DESI2: variants seen among roughly 807,000 people sequenced by gnomAD.
DESI2 encodes the protein desumoylating isopeptidase 2.
In DESI2, 10 loss-of-function variants were observed where a neutral mutation model predicts 24.1. That is an observed-to-expected ratio of 0.41 (90% CI 0.26 to 0.70). The LOEUF is 0.70. Ranked by LOEUF, DESI2 falls within the 30% of genes least tolerant of loss-of-function variation. The pLI is 0.29. For missense variants in DESI2, 122 were observed against 234.9 expected, an observed-to-expected ratio of 0.52 and a Z score of 3.14; for synonymous variants, 71 against 87.7, an observed-to-expected ratio of 0.81 and a Z score of 1.06.
intron 1 of DESI2, chr1:244,653,789 T>A (rs1202920130): frequency 3.0e-5 from 11 of 367,772 alleles, no homozygotes; most frequent in Non-Finnish European, 1.1e-5. Flanking sequence ...TCTCTCTCCA[T>A]GGCTACGTCT....
chr1:244,657,860 C>A (rs1675701206), intron 1 of DESI2, among the ~76,000 whole-genome samples: 1 of 152,188 alleles, frequency 6.6e-6, no homozygotes, highest in South Asian at 2.1e-4. Flanking sequence ...GAAAAACTTA[C>A]CAGAGCCCCA....
intron 4 of DESI2, among the ~76,000 whole-genome samples, chr1:244,695,908 G>A (rs552833806): frequency 1.3e-5 from 2 of 152,190 alleles, no homozygotes; most frequent in East Asian, 3.9e-4. Flanking sequence ...CAAGTAGCTG[G>A]AGCTACAGGT....
At chr1:244,685,506 ATATT>A (rs1195598567) in intron 1 of DESI2, among the ~76,000 whole-genome samples, 1 of 152,154 alleles carries the variant, frequency 6.6e-6, no homozygotes, top group Non-Finnish European at 1.5e-5. Context: ...TTGTTTTCAT[ATATT>A]TATTTATGAT....
At position 244,686,578 on chromosome 1, in the gene DESI2, T is replaced by C; in HGVS notation, c.43-19T>C. 3 of 1,546,030 alleles carry C rather than the reference T, an allele frequency of 1.9e-6. No homozygotes were observed. Among genetic ancestry groups the C allele is most frequent in the Admixed American group, 1.7e-5 (1 of 59,794 alleles). On this transcript the variant is annotated intron_variant, in intron 1 of 4. Transcript: ENST00000302550. ...TAAATGAACAGGTATTCTGAATCTT[T>C]TCTTTCTTTTTTTCTCAGTATTGGA...
chr1:244,657,576 G>A (rs184048578), intron 1 of DESI2, among the ~76,000 whole-genome samples: 1 of 152,322 alleles, frequency 6.6e-6, no homozygotes, highest in Non-Finnish European at 1.5e-5. Flanking sequence ...GAGAGCTTGA[G>A]AGTCAGTGGC....
At chr1:244,695,730 T>C (rs1467508277) in intron 4 of DESI2, among the ~76,000 whole-genome samples, 1 of 152,204 alleles carries the variant, frequency 6.6e-6, no homozygotes, top group African/African-American at 2.4e-5. Context: ...TGAGCCCCTA[T>C]ATAACTGTAA....
At chr1:244,703,415 G>T (rs549182761) in intron 4 of DESI2, among the ~76,000 whole-genome samples, 119 of 152,188 alleles carry the variant, frequency 7.8e-4, no homozygotes, top group African/African-American at 2.8e-3. Context: ...TAGTGCAGTG[G>T]CACAGTCTTG....
At chr1:244,670,666 C>G (rs1405871738) in intron 1 of DESI2, among the ~76,000 whole-genome samples, 1 of 151,988 alleles carries the variant, frequency 6.6e-6, no homozygotes, top group Non-Finnish European at 1.5e-5. Flanking sequence ...ACTATCTTTC[C>G]CAAAGCCATA....
chr1:244,686,113 T>G lies in DESI2; in HGVS notation c.43-484T>G, dbSNP rs1051057827. On this transcript the variant is annotated intron_variant, in intron 1 of 4. Coordinates refer to ENST00000302550, the MANE Select transcript of DESI2 (RefSeq NM_016076.5). The stretch of plus-strand genomic sequence containing the variant: ...CTTATATTATTACCATTATCAAACT[T>G]TGAGCTGAATCAGGACACATGATAC... 4.6e-5 allele frequency among the ~76,000 whole-genome samples: 7 copies of G among 152,348 alleles called. No homozygotes were observed. The East Asian group carries it at 9.6e-4, about 21-fold the overall frequency.
intron 3 of DESI2, among the ~76,000 whole-genome samples, chr1:244,691,398 C>CT (rs1410567525): frequency 6.7e-6 from 1 of 150,236 alleles, no homozygotes; most frequent in African/African-American, 2.5e-5. Flanking sequence ...CAGGGTCCTT[C>CT]TTTTTAAAAA....
chr1:244,696,317 A>G (rs1012291311), intron 4 of DESI2, among the ~76,000 whole-genome samples: 10 of 152,214 alleles, frequency 6.6e-5, no homozygotes, highest in African/African-American at 2.4e-4. Context: ...CCTGAGATAC[A>G]TTCCCCATAG....
At chr1:244,677,765 A>G (rs989339751) in intron 1 of DESI2, among the ~76,000 whole-genome samples, 4 of 152,140 alleles carry the variant, frequency 2.6e-5, no homozygotes, top group African/African-American at 4.8e-5. Flanking sequence ...AATAAAAGTT[A>G]AAAAATTAGC....
intron 4 of DESI2, among the ~76,000 whole-genome samples, chr1:244,702,672 A>G (rs1448133117): frequency 6.6e-6 from 1 of 152,196 alleles, no homozygotes; most frequent in African/African-American, 2.4e-5. Context: ...TACATAAACC[A>G]ATAGACACGG....
rs183149173 is a variant in DESI2, at chr1:244,682,269, T to G, written c.43-4328T>G. Among the ~76,000 whole-genome samples the G allele has an allele frequency of 2.7e-4, 41 of 152,280 alleles. No individual in the cohort carries two copies. In the South Asian group the frequency reaches 6.2e-3, roughly 23 times the overall value. ...TTGGTCCATTTTACAGAGTGCTGAT[T>G]GGTCTGTTTTTTACAGAGCGCTGAT... On this transcript the variant is annotated intron_variant, in intron 1 of 4. Coordinates refer to ENST00000302550, the MANE Select transcript of DESI2 (RefSeq NM_016076.5).
Position 244,653,131 on chromosome 1 carries a change from C to T in DESI2, c.-183C>T, listed in dbSNP as rs994984341. 2.1e-6 allele frequency: 1 copy of T among 478,796 alleles called. No individual in the cohort carries two copies. Among genetic ancestry groups the T allele is most frequent in the Non-Finnish European group, 3.4e-6 (1 of 293,964 alleles). 29.7% of individuals were successfully genotyped at this position (478,796 alleles called of 1,614,324 possible). A position where few individuals can be genotyped will look rare whatever the true frequency, so the allele number is the denominator to read the frequency against. Reference sequence around the variant, plus strand: ...CGGTCCGGCCCCGTCCGCACAGACGCTCCTGTCGGCGGCGCCCGGGAGCGG... The same window carrying T: ...CGGTCCGGCCCCGTCCGCACAGACGTTCCTGTCGGCGGCGCCCGGGAGCGG... On this transcript the variant is annotated 5_prime_UTR_variant, in exon 1 of 5. Coordinates refer to ENST00000302550, the MANE Select transcript of DESI2 (RefSeq NM_016076.5).
chr1:244,703,660 C>CT lies in DESI2; in HGVS notation c.352-1880dup, dbSNP rs34869457. Among the ~76,000 whole-genome samples, 565 of 143,152 alleles carry CT rather than the reference C, an allele frequency of 3.9e-3. 4 individuals are homozygous for CT. The highest frequency in any genetic ancestry group is 0.011 in the African/African-American group (411 of 38,494). 93.9% of individuals were successfully genotyped at this position (143,152 alleles called of 152,430 possible). On this transcript the variant is annotated intron_variant, in intron 4 of 4. Coordinates refer to ENST00000302550, the MANE Select transcript of DESI2 (RefSeq NM_016076.5). The stretch of plus-strand genomic sequence containing the variant: ...GCCACCATGCCTGGCCTCATGTACA[C>CT]TTTTTTTTTTTTTTTTGAGACAGAG...
chr1:244,701,292 C>T (rs1026426497), intron 4 of DESI2, among the ~76,000 whole-genome samples: 5 of 140,990 alleles, frequency 3.5e-5, no homozygotes, highest in African/African-American at 1.1e-4. Context: ...TCAACCATCT[C>T]GACAGAAACC....
At chr1:244,661,476 T>TATAC (rs1283873732) in intron 1 of DESI2, among the ~76,000 whole-genome samples, 1 of 152,132 alleles carries the variant, frequency 6.6e-6, no homozygotes, top group African/African-American at 2.4e-5. Context: ...TTGTTACATA[T>TATAC]GTATACATGT....
chr1:244,693,564 TGGGACTATA>T (rs1464373056), intron 4 of DESI2, among the ~76,000 whole-genome samples: 1 of 152,120 alleles, frequency 6.6e-6, no homozygotes, highest in Non-Finnish European at 1.5e-5. Flanking sequence ...CCCGAGTAGC[TGGGACTATA>T]GGCACCCGCC....
Sources: gnomAD v4.1 joint callset for allele counts (sites outside exome capture counted in the v4.1 genomes callset) on GRCh38, gnomAD v4.1.1 for gene constraint, MANE v1.5 for transcripts, NCBI Gene and HGNC (gene_info 2026-07-23, HGNC 2026-07-21) for gene names.